The following ZNRF3 variants were observed in gnomAD, a reference collection of about 807,000 sequenced individuals.
ZNRF3 encodes the protein E3 ubiquitin-protein ligase ZNRF3.
Under a neutral mutation model 72.5 loss-of-function variants are expected in ZNRF3, and 23 were observed. That is an observed-to-expected ratio of 0.32 (90% confidence interval 0.23 to 0.45). The LOEUF (loss-of-function observed/expected upper bound fraction) is 0.45. Among genes scored for constraint, ZNRF3 ranks in the 20% least tolerant of loss-of-function variants. ZNRF3 has a pLI of 1.00. For missense variants in ZNRF3, 1,169 were observed against 1,272.1 expected, an observed-to-expected ratio of 0.92 and a Z score of 1.23; for synonymous variants, 610 against 545.3, an observed-to-expected ratio of 1.12 and a Z score of -1.65.
chr22:28,969,498 G>C (rs2035532551), intron 1 of ZNRF3, among the ~76,000 whole-genome samples: 1 of 152,156 alleles, frequency 6.6e-6, no homozygotes, highest in Non-Finnish European at 1.5e-5. Context: ...ATTATTCCAG[G>C]CAGAGGGAAC....
intron 1 of ZNRF3, among the ~76,000 whole-genome samples, chr22:28,965,671 G>A (rs1460708027): frequency 6.6e-6 from 1 of 152,202 alleles, no homozygotes; most frequent in Admixed American, 6.5e-5. Context: ...CAGAAGGGCT[G>A]GCAGGGATCT....
intron 1 of ZNRF3, among the ~76,000 whole-genome samples, chr22:28,905,506 T>G (rs529066874): frequency 7.2e-5 from 11 of 152,280 alleles, no homozygotes; most frequent in Non-Finnish European, 1.6e-4. Context: ...AACATAGATT[T>G]GTTAAGCCAT....
chr22:29,039,470 G>A (rs1358952945), intron 2 of ZNRF3, among the ~76,000 whole-genome samples: 1 of 152,186 alleles, frequency 6.6e-6, no homozygotes, highest in Non-Finnish European at 1.5e-5. Flanking sequence ...AAAGGAATGA[G>A]AGGGGCTGTT....
At chr22:28,994,654 G>A (rs2036018767) in intron 2 of ZNRF3, among the ~76,000 whole-genome samples, 1 of 152,002 alleles carries the variant, frequency 6.6e-6, no homozygotes, top group African/African-American at 2.4e-5. Context: ...GATGAGTGGT[G>A]GTCATGGTTG....
chr22:28,892,544 T>C (rs1832950066), intron 1 of ZNRF3, among the ~76,000 whole-genome samples: 1 of 152,044 alleles, frequency 6.6e-6, no homozygotes, highest in Non-Finnish European at 1.5e-5. Flanking sequence ...AGGTAGAGAG[T>C]AGAGGTTCTT....
At chr22:28,999,587 A>G (rs1569276027) in intron 2 of ZNRF3, among the ~76,000 whole-genome samples, 1 of 152,222 alleles carries the variant, frequency 6.6e-6, no homozygotes, top group Non-Finnish European at 1.5e-5. Context: ...AGACAAGCCC[A>G]AAAGTCCCAT....
intron 1 of ZNRF3, among the ~76,000 whole-genome samples, chr22:28,937,201 ATATATATATATATATTTT>A (rs1309143868): frequency 6.8e-4 from 3 of 4,394 alleles, no homozygotes; most frequent in South Asian, 5.1e-3. Flanking sequence ...ATATATATAT[ATATATATATATATATTTT>A]TTTTTTTTTT....
At chr22:28,960,464 G>A (rs1418188363) in intron 1 of ZNRF3, among the ~76,000 whole-genome samples, 5 of 152,176 alleles carry the variant, frequency 3.3e-5, no homozygotes, top group Admixed American at 6.5e-5. Context: ...GTTTGCTATG[G>A]TGGCAGTAGC....
At chr22:29,014,590 T>C (rs1383179720) in intron 2 of ZNRF3, among the ~76,000 whole-genome samples, 1 of 152,210 alleles carries the variant, frequency 6.6e-6, no homozygotes. Context: ...AGTATCTCCC[T>C]TTTGTAGCTC....
intron 1 of ZNRF3, among the ~76,000 whole-genome samples, chr22:28,889,534 C>T (rs973667044): frequency 2.0e-5 from 3 of 152,140 alleles, no homozygotes; most frequent in Non-Finnish European, 2.9e-5. Context: ...TATTCTGTAC[C>T]AGACACTGTA....
intron 8 of ZNRF3, among the ~76,000 whole-genome samples, chr22:29,052,417 G>C (rs1032641501): frequency 1.3e-5 from 2 of 152,152 alleles, no homozygotes; most frequent in African/African-American, 4.8e-5. Flanking sequence ...AATGTTGGCC[G>C]GGTGCGGTGA....
At chr22:28,995,205 G>A (rs1268074148) in intron 2 of ZNRF3, among the ~76,000 whole-genome samples, 1 of 152,030 alleles carries the variant, frequency 6.6e-6, no homozygotes, top group African/African-American at 2.4e-5. Context: ...AGGCTGAGGC[G>A]GGTGGATCAC....
At chr22:28,982,433 CAAAAAAAAAA>C (rs61589852) in intron 1 of ZNRF3, among the ~76,000 whole-genome samples, 6 of 76,532 alleles carry the variant, frequency 7.8e-5, no homozygotes, top group African/African-American at 4.0e-4. Flanking sequence ...CCTGTCTCTA[CAAAAAAAAAA>C]AAAAAAAAAA....
At chr22:28,902,550 TC>T (rs746896869) in intron 1 of ZNRF3, among the ~76,000 whole-genome samples, 7 of 152,170 alleles carry the variant, frequency 4.6e-5, no homozygotes, top group Non-Finnish European at 8.8e-5. Context: ...TTTGTATTTT[TC>T]ACCAGGTTCT....
chr22:28,898,318 T>C (rs2034038160), intron 1 of ZNRF3, among the ~76,000 whole-genome samples: 1 of 152,198 alleles, frequency 6.6e-6, no homozygotes, highest in Non-Finnish European at 1.5e-5. Context: ...TCAGACATGG[T>C]GTGTCCTGAT....
chr22:28,934,840 T>C (rs1422550305), intron 1 of ZNRF3, among the ~76,000 whole-genome samples: 1 of 140,570 alleles, frequency 7.1e-6, no homozygotes, highest in East Asian at 2.1e-4. Flanking sequence ...AAAAAAAAAG[T>C]ATATTGATTA....
At chr22:28,945,753 C>T (rs1276689135) in intron 1 of ZNRF3, among the ~76,000 whole-genome samples, 1 of 151,980 alleles carries the variant, frequency 6.6e-6, no homozygotes, top group Middle Eastern at 3.2e-3. Context: ...TGGTCTCGAT[C>T]TCTTGACCTC....
intron 1 of ZNRF3, among the ~76,000 whole-genome samples, chr22:28,986,118 C>G (rs1332430224): frequency 6.6e-6 from 1 of 152,224 alleles, no homozygotes; most frequent in East Asian, 1.9e-4. Context: ...ATCTCAAACT[C>G]AATCACATCT....
chr22:28,953,048 C>T (rs1046679443), intron 1 of ZNRF3, among the ~76,000 whole-genome samples: 1 of 152,162 alleles, frequency 6.6e-6, no homozygotes, highest in African/African-American at 2.4e-5. Flanking sequence ...TTATTAGAAA[C>T]CTGAGATATT....
Sources: gnomAD v4.1 joint callset for allele counts (sites outside exome capture counted in the v4.1 genomes callset) on GRCh38, gnomAD v4.1.1 for gene constraint, MANE v1.5 for transcripts, NCBI Gene and HGNC (gene_info 2026-07-23, HGNC 2026-07-21) for gene names.